The following LARP1B variants were observed in gnomAD, a reference collection of about 807,000 sequenced individuals.
LARP1B encodes the protein la-related protein 1B.
A neutral mutation model predicts 114.2 loss-of-function variants in LARP1B; 76 were observed. That is an observed-to-expected ratio of 0.67 (90% confidence interval 0.55 to 0.81). LARP1B has a LOEUF of 0.81. Among genes scored for constraint, LARP1B ranks in the 30% least tolerant of loss-of-function variants. The pLI is 0.00. For synonymous variants in LARP1B, 345 were observed against 348.0 expected, an observed-to-expected ratio of 0.99 and a Z score of 0.10; for missense variants, 1,014 against 1,075.8, an observed-to-expected ratio of 0.94 and a Z score of 0.80.
At chr4:128,131,731 A>G (rs1340728903) in intron 11 of LARP1B, among the ~76,000 whole-genome samples, 1 of 152,196 alleles carries the variant, frequency 6.6e-6, no homozygotes, top group Non-Finnish European at 1.5e-5. Context: ...AAAATAATAC[A>G]TAAATTAAAA....
At chr4:128,145,056 G>A (rs567881922) in intron 11 of LARP1B, among the ~76,000 whole-genome samples, 24 of 152,250 alleles carry the variant, frequency 1.6e-4, no homozygotes, top group African/African-American at 5.8e-4. Flanking sequence ...AGAGATTATA[G>A]ATGTCATCTT....
intron 12 of LARP1B, among the ~76,000 whole-genome samples, chr4:128,168,464 GA>G (rs1742117360): frequency 6.6e-6 from 1 of 151,864 alleles, no homozygotes; most frequent in Non-Finnish European, 1.5e-5. Flanking sequence ...CTTTACTCTG[GA>G]TACAAGTCCT....
At chr4:128,099,298 T>A (rs1232640291) in intron 8 of LARP1B, among the ~76,000 whole-genome samples, 2 of 151,196 alleles carry the variant, frequency 1.3e-5, no homozygotes, top group African/African-American at 4.9e-5. Flanking sequence ...TTCTTTTTTT[T>A]TTTTTTTGAG....
intron 7 of LARP1B, among the ~76,000 whole-genome samples, chr4:128,097,387 A>G (rs1054617808): frequency 6.6e-6 from 1 of 150,944 alleles, no homozygotes; most frequent in Non-Finnish European, 1.5e-5. Flanking sequence ...GGCTCACTGC[A>G]ATGTTTGCTG....
At chr4:128,140,411 G>A (rs1245789373) in intron 11 of LARP1B, among the ~76,000 whole-genome samples, 1 of 152,128 alleles carries the variant, frequency 6.6e-6, no homozygotes, top group Non-Finnish European at 1.5e-5. Context: ...AATGAAAGAA[G>A]TGAGGGTTCA....
intron 10 of LARP1B, among the ~76,000 whole-genome samples, chr4:128,117,481 G>A (rs1214435952): frequency 1.3e-5 from 2 of 152,130 alleles, no homozygotes; most frequent in Non-Finnish European, 2.9e-5. Context: ...CCCCTCCCGG[G>A]TTCAAGCGAT....
chr4:128,094,939 C>A (rs569752561), intron 7 of LARP1B, among the ~76,000 whole-genome samples: 2 of 151,870 alleles, frequency 1.3e-5, no homozygotes, highest in Non-Finnish European at 2.9e-5. Flanking sequence ...TTAGTAAAGT[C>A]GGGGTTCCAC....
chr4:128,138,391 G>C (rs1298342295), intron 11 of LARP1B, among the ~76,000 whole-genome samples: 1 of 152,142 alleles, frequency 6.6e-6, no homozygotes, highest in Admixed American at 6.5e-5. Flanking sequence ...AGAAAGTCTA[G>C]ATAGTGCTAT....
In LARP1B at chr4:128,098,426, CTG is replaced by C. The variant is rs1195327228; in HGVS notation, c.813+98_813+99del. 3 of 983,202 alleles carry C rather than the reference CTG, an allele frequency of 3.1e-6. No individual in the cohort carries two copies. In the East Asian group the frequency reaches 7.5e-5, roughly 25 times the overall value. The allele number at this position is 983,202 out of a possible 1,614,324, so 60.9% of individuals were successfully genotyped here. ...AAACAGAGTACTAAAAACAGACAAT[CTG>C]TAGTTGCTTGAGGCTCAGACAGCAT... On this transcript the variant is annotated intron_variant, in intron 8 of 19. Transcript: ENST00000326639.
chr4:128,126,822 T>A lies in LARP1B; in HGVS notation c.1524+4634T>A, dbSNP rs201288868. Among the ~76,000 whole-genome samples the A allele has an allele frequency of 9.7e-3, 1,454 of 150,366 alleles. 4 individuals are homozygous for A. The highest frequency in any genetic ancestry group is 0.024 in the Middle Eastern group (7 of 288). On this transcript the variant is annotated intron_variant, in intron 11 of 19. Transcript: ENST00000326639. ...TTTTTATTTGTTTTTGTTTTTTTTT[T>A]AAAAAAAGGTAAGCAAGAAACTTGG...
At chr4:128,062,037 C>CGCCGTTGCT (rs1261397549) in intron 1 of LARP1B, 3 of 985,090 alleles carry the variant, frequency 3.0e-6, no homozygotes, top group Admixed American at 1.2e-4. Flanking sequence ...TCGCCGTTGC[C>CGCCGTTGCT]GCCGTTGCTG....
chr4:128,200,383 C>A, intron 16 of LARP1B, 138 bp from the exon 17 acceptor site: 1 of 545,628 alleles, frequency 1.8e-6, no homozygotes, highest in Admixed American at 3.8e-5. Context: ...GTTGGAGATC[C>A]CCACTCTATT....
In LARP1B at chr4:128,062,126, C is replaced by G. The variant is rs780570956; in HGVS notation, c.-78+725C>G. 5.6e-4 allele frequency: 556 copies of G among 985,384 alleles called. 4 individuals are homozygous for G. Among genetic ancestry groups the G allele is most frequent in the Non-Finnish European group, 2.0e-4 (165 of 829,914 alleles). The allele number at this position is 985,384 out of a possible 1,614,324, so 61.0% of individuals were successfully genotyped here. On this transcript the variant is annotated intron_variant, in intron 1 of 19. Transcript: ENST00000326639. ...AAAGCGGCAGCCGCCGCTGCTGCCG[C>G]CTAAGGGAAATCCCTGGACCAAAAA... is the stretch of plus-strand genomic sequence containing the variant.
At chr4:128,140,172 A>T (rs750880905) in intron 11 of LARP1B, among the ~76,000 whole-genome samples, 1 of 152,212 alleles carries the variant, frequency 6.6e-6, no homozygotes, top group African/African-American at 2.4e-5. Context: ...TTAAGATTAC[A>T]TTGTGTTTGT....
chr4:128,066,165 C>CTTTTTTTTTTTTTTTTTTTT (rs59927866), intron 1 of LARP1B, among the ~76,000 whole-genome samples: 50 of 99,172 alleles, frequency 5.0e-4, no homozygotes, highest in South Asian at 8.8e-4. Flanking sequence ...TTTCTTTCTT[C>CTTTTTTTTTTTTTTTTTTTT]TTTTTTTTTT....
chr4:128,198,498 G>A (rs1388714618), intron 15 of LARP1B, among the ~76,000 whole-genome samples: 1 of 152,214 alleles, frequency 6.6e-6, no homozygotes, highest in African/African-American at 2.4e-5. Flanking sequence ...AATTGCAAGT[G>A]CATAACAATG....
chr4:128,069,469 T>C, intron 1 of LARP1B: 1 of 756,690 alleles, frequency 1.3e-6, no homozygotes, highest in Non-Finnish European at 2.4e-6. Flanking sequence ...TGGTTGGCCT[T>C]GTAGCCCAGC....
chr4:128,098,639 A>C (rs1778906799), intron 8 of LARP1B, among the ~76,000 whole-genome samples: 1 of 149,200 alleles, frequency 6.7e-6, no homozygotes, highest in South Asian at 2.1e-4. Flanking sequence ...AAACTTCTTC[A>C]GGGCTGGGCG....
intron 11 of LARP1B, among the ~76,000 whole-genome samples, chr4:128,134,068 A>G (rs954369415): frequency 6.8e-6 from 1 of 146,496 alleles, no homozygotes; most frequent in African/African-American, 2.5e-5. Flanking sequence ...TGGCATCATC[A>G]TGGCTCACTG....
Sources: allele counts gnomAD v4.1 joint callset (sites outside exome capture counted in the v4.1 genomes callset), GRCh38; gene constraint gnomAD v4.1.1; transcripts MANE v1.5; gene names NCBI Gene and HGNC (gene_info 2026-07-23, HGNC 2026-07-21).